Variants in ABI3BP observed in about 807,000 individuals in gnomAD.
The protein encoded by ABI3BP is target of Nesh-SH3.
In ABI3BP, 216 loss-of-function variants were observed where a neutral mutation model predicts 268.6. The observed-to-expected ratio is 0.80, with a 90% CI of 0.72 to 0.90. The LOEUF (loss-of-function observed/expected upper bound fraction) is 0.90, where lower values mean the gene tolerates loss of function less well. Ranked by LOEUF, ABI3BP falls within the 40% of genes least tolerant of loss-of-function variation. The pLI, the probability that ABI3BP is intolerant of heterozygous loss-of-function variation, is 0.00. For missense variants in ABI3BP, 2,090 were observed against 2,182.4 expected (o/e 0.96, Z 0.84); for synonymous variants, 730 against 730.0 (o/e 1.00, Z 0.00).
chr3:100,840,201 G>T lies in ABI3BP; in HGVS notation c.1805-37C>A, dbSNP rs1467801365. 3.5e-6 allele frequency: 5 copies of T among 1,436,868 alleles called. No individual in the cohort carries two copies. The Admixed American group carries it at 6.7e-5, about 19-fold the overall frequency. 89.0% of individuals were successfully genotyped at this position (1,436,868 alleles called of 1,614,324 possible). On this transcript the variant is annotated intron_variant, in intron 22 of 67. Transcript: ENST00000471714. ...AAATTAGCAAGTTAATACAAGAAGG[G>T]TGGATTTACAAACTGATGATAAATA...
At chr3:100,834,596 A>G in intron 29 of ABI3BP, 88 bp downstream of exon 29, 1 of 1,260,996 alleles carries the variant, frequency 7.9e-7, no homozygotes, top group Non-Finnish European at 1.1e-6. Context: ...CCAAGGGTCA[A>G]GTGGGTTATA....
Position 100,754,707 on chromosome 3 carries a change from T to TA in ABI3BP, c.4851-17dup, listed in dbSNP as rs753422203. On this transcript the variant is annotated splice_polypyrimidine_tract_variant and intron_variant, in intron 63 of 67. Coordinates refer to ENST00000471714, the MANE Select transcript of ABI3BP (RefSeq NM_001375547.2). Reference sequence around the variant, plus strand: ...GAATTCATAACTGTTTAGGGGAAAATAAAAAAATACTTGTAATACATTCTT... The same window carrying TA: ...GAATTCATAACTGTTTAGGGGAAAATAAAAAAAATACTTGTAATACATTCTT... 28 of 1,560,600 alleles carry TA rather than the reference T, an allele frequency of 1.8e-5. No homozygotes were observed. The East Asian group carries it at 3.1e-4, about 17-fold the overall frequency.
At chr3:100,971,862 A>G (rs969567047) in intron 1 of ABI3BP, among the ~76,000 whole-genome samples, 1 of 152,218 alleles carries the variant, frequency 6.6e-6, no homozygotes, top group Non-Finnish European at 1.5e-5. Context: ...GAACAAGGTC[A>G]TTAAAAATAT....
intron 6 of ABI3BP, among the ~76,000 whole-genome samples, 173 bp downstream of exon 6, chr3:100,885,363 C>T (rs578030870): frequency 1.8e-4 from 28 of 152,132 alleles, no homozygotes; most frequent in Admixed American, 3.3e-4. Context: ...GATTTGAAAT[C>T]ATGCTTTTAC....
intron 51 of ABI3BP, among the ~76,000 whole-genome samples, chr3:100,803,850 C>T (rs2097608246): frequency 6.6e-6 from 1 of 152,178 alleles, no homozygotes; most frequent in Non-Finnish European, 1.5e-5. Flanking sequence ...GCTACCACCA[C>T]CACCAAAGTG....
chr3:100,824,051 G>A (rs1054069375), intron 36 of ABI3BP, among the ~76,000 whole-genome samples: 1 of 152,090 alleles, frequency 6.6e-6, no homozygotes, highest in African/African-American at 2.4e-5. Flanking sequence ...AGAACAGGGT[G>A]GTCACTCAGC....
chr3:100,821,411 G>T (rs987610521), intron 38 of ABI3BP, among the ~76,000 whole-genome samples: 3 of 152,058 alleles, frequency 2.0e-5, no homozygotes, highest in Non-Finnish European at 4.4e-5. Context: ...TTAGCATGAT[G>T]AATTGAGTAG....
In ABI3BP at chr3:100,820,297, T is replaced by C. The variant is rs1345458313; in HGVS notation, c.2954A>G (p.Lys985Arg). ...TGGACGACGAGTTCGTTGTGATGTT[T>C]TAGGAGCTGAAGAAAGAAAACCTTT... ...TETWVTTQAPKTSQRTRRPRP... is the reference protein window; with the variant it reads ...TETWVTTQAPRTSQRTRRPRP... Residue 985 changes from lysine to arginine, a missense_variant, in exon 40 of 68, where the codon AAA (lysine) becomes AGA (arginine). Coordinates refer to ENST00000471714, the MANE Select transcript of ABI3BP (RefSeq NM_001375547.2). 52 of 1,535,688 alleles carry C rather than the reference T, an allele frequency of 3.4e-5. No homozygotes were observed. Among genetic ancestry groups the C allele is most frequent in the Non-Finnish European group, 4.4e-5 (51 of 1,146,690 alleles).
At chr3:100,923,562 C>T (rs2060913212) in intron 2 of ABI3BP, among the ~76,000 whole-genome samples, 1 of 152,072 alleles carries the variant, frequency 6.6e-6, no homozygotes, top group South Asian at 2.1e-4. Context: ...CCCTAAAACC[C>T]AACCAACAAA....
chr3:100,823,789 T>C (rs1199146585), intron 36 of ABI3BP, among the ~76,000 whole-genome samples: 1 of 152,210 alleles, frequency 6.6e-6, no homozygotes, highest in Non-Finnish European at 1.5e-5. Flanking sequence ...AATTCTGATA[T>C]GGAAAACTGC....
intron 1 of ABI3BP, among the ~76,000 whole-genome samples, chr3:100,961,251 T>C (rs2078998635): frequency 6.6e-6 from 1 of 152,202 alleles, no homozygotes; most frequent in African/African-American, 2.4e-5. Context: ...GAATTTCCAA[T>C]TTTAAATCAC....
chr3:100,774,748 T>A, intron 60 of ABI3BP, 75 bp from the exon 61 acceptor site: 1 of 1,139,690 alleles, frequency 8.8e-7, no homozygotes, highest in Non-Finnish European at 1.2e-6. Context: ...AGTTGTAGAC[T>A]AAAGATATTC....
chr3:100,907,225 T>C (rs1212739286), intron 2 of ABI3BP, among the ~76,000 whole-genome samples: 1 of 152,200 alleles, frequency 6.6e-6, no homozygotes, highest in Non-Finnish European at 1.5e-5. Context: ...CCAGGCATGG[T>C]GGCTCAGCCT....
At chr3:100,881,164 T>C (rs1444035583) in intron 6 of ABI3BP, among the ~76,000 whole-genome samples, 1 of 152,206 alleles carries the variant, frequency 6.6e-6, no homozygotes, top group African/African-American at 2.4e-5. Context: ...GATGTATTAA[T>C]AGTTTGCCTA....
intron 56 of ABI3BP, 134 bp from the exon 57 acceptor site, chr3:100,787,936 A>G: frequency 1.9e-6 from 1 of 533,952 alleles, no homozygotes; most frequent in Non-Finnish European, 3.1e-6. Flanking sequence ...TATTCAGAAT[A>G]TAGAAACCAC....
At chr3:100,884,331 G>A (rs2040861391) in intron 6 of ABI3BP, among the ~76,000 whole-genome samples, 1 of 151,564 alleles carries the variant, frequency 6.6e-6, no homozygotes, top group Non-Finnish European at 1.5e-5. Context: ...TCTCTTTTTT[G>A]TATTTATATC....
chr3:100,849,951 C>A, intron 17 of ABI3BP, 94 bp downstream of exon 17: 1 of 1,129,732 alleles, frequency 8.9e-7, no homozygotes. Flanking sequence ...CAAAAACAAA[C>A]AAAAGAAAAA....
At chr3:100,756,581 G>GA (rs1049267005) in intron 63 of ABI3BP, among the ~76,000 whole-genome samples, 3 of 152,022 alleles carry the variant, frequency 2.0e-5, no homozygotes, top group Non-Finnish European at 4.4e-5. Context: ...ACTGAAAATG[G>GA]AAAAAAAGAA....
At chr3:100,901,367 T>C (rs1164869711) in intron 3 of ABI3BP, among the ~76,000 whole-genome samples, 1 of 152,092 alleles carries the variant, frequency 6.6e-6, no homozygotes, top group Non-Finnish European at 1.5e-5. Flanking sequence ...TCCAGAAAAA[T>C]ATAGCAAACA....
Sources: allele counts gnomAD v4.1 joint callset (sites outside exome capture counted in the v4.1 genomes callset), GRCh38; gene constraint gnomAD v4.1.1; transcripts MANE v1.5; gene names NCBI Gene and HGNC (gene_info 2026-07-23, HGNC 2026-07-21).